ETV6: variants seen among roughly 807,000 people sequenced by gnomAD.
ETV6 encodes ETS variant transcription factor 6, also known as transcription factor ETV6.
A neutral mutation model predicts 51.1 loss-of-function variants in ETV6; 16 were observed. The ratio of observed to expected loss-of-function variants is 0.31; its 90% CI spans 0.21 to 0.48. The LOEUF is 0.48. ETV6 is among the 20% of genes least tolerant of loss of function. The probability of loss-of-function intolerance (pLI) is 0.99; values close to 1 mark genes in which losing one functional copy is unlikely to be tolerated. For synonymous variants in ETV6, 240 were observed against 224.1 expected (o/e 1.07, Z -0.64); for missense variants, 458 against 594.8 (o/e 0.77, Z 2.39).
chr12:11,820,380 A>AT (rs1262612077), intron 2 of ETV6, among the ~76,000 whole-genome samples: 1 of 152,248 alleles, frequency 6.6e-6, no homozygotes, highest in Non-Finnish European at 1.5e-5. Flanking sequence ...GTCCGTTCAC[A>AT]TGCTAGTGAA....
At chr12:11,719,116 G>A (rs1865332596) in intron 1 of ETV6, among the ~76,000 whole-genome samples, 1 of 152,230 alleles carries the variant, frequency 6.6e-6, no homozygotes, top group Admixed American at 6.5e-5. Flanking sequence ...GACTGGCTAA[G>A]CTGCCACCCT....
intron 6 of ETV6, among the ~76,000 whole-genome samples, chr12:11,885,212 G>C (rs1273103722): frequency 6.6e-6 from 1 of 152,218 alleles, no homozygotes; most frequent in African/African-American, 2.4e-5. Context: ...AGCAAAGCCT[G>C]ATGTTGGCAT....
chr12:11,861,414 G>C (rs1189632331), intron 4 of ETV6, among the ~76,000 whole-genome samples: 1 of 152,122 alleles, frequency 6.6e-6, no homozygotes, highest in Non-Finnish European at 1.5e-5. Context: ...CCTTGCCCCT[G>C]CTGCAGCATG....
chr12:11,858,435 G>A (rs954761429), intron 4 of ETV6, among the ~76,000 whole-genome samples: 3 of 151,466 alleles, frequency 2.0e-5, no homozygotes, highest in African/African-American at 4.9e-5. Context: ...GTCCTCTAGT[G>A]TTAGAACTAC....
At chr12:11,715,052 G>T (rs1417292733) in intron 1 of ETV6, among the ~76,000 whole-genome samples, 1 of 152,072 alleles carries the variant, frequency 6.6e-6, no homozygotes, top group Non-Finnish European at 1.5e-5. Context: ...AAAATGTGGA[G>T]ATCGTTTTGA....
rs536186832 is a variant in ETV6 at position 11,871,619 on chromosome 12, A to T, written c.1009+1650A>T. 2.6e-5 allele frequency among the ~76,000 whole-genome samples: 4 copies of T among 152,350 alleles called. No individual in the cohort carries two copies. In the East Asian group the frequency reaches 7.7e-4, roughly 29 times the overall value. ...CAGGGATGTTGAATCCAGAAAATAA[A>T]ATGGCAAACAAAAATGACTTATATG... On this transcript the variant is annotated intron_variant, in intron 5 of 7. Coordinates refer to ENST00000396373, the MANE Select transcript of ETV6 (RefSeq NM_001987.5).
intron 2 of ETV6, among the ~76,000 whole-genome samples, chr12:11,831,543 T>A (rs1946246196): frequency 2.0e-5 from 3 of 152,066 alleles, no homozygotes; most frequent in Admixed American, 2.0e-4. Flanking sequence ...GTTTTTTAAA[T>A]ATAAAAGTAA....
chr12:11,782,205 C>G (rs186633305), intron 2 of ETV6, among the ~76,000 whole-genome samples: 2 of 152,308 alleles, frequency 1.3e-5, no homozygotes, highest in Admixed American at 6.5e-5. Flanking sequence ...TTTCACTTTA[C>G]TCGTCTACTC....
intron 5 of ETV6, among the ~76,000 whole-genome samples, chr12:11,881,404 C>T (rs1023828967): frequency 2.0e-5 from 3 of 152,198 alleles, no homozygotes; most frequent in African/African-American, 7.2e-5. Flanking sequence ...TTTGGGGCTG[C>T]TCTGACAAAC....
At chr12:11,651,472 C>T (rs913154820) in intron 1 of ETV6, among the ~76,000 whole-genome samples, 6 of 152,098 alleles carry the variant, frequency 3.9e-5, no homozygotes, top group African/African-American at 1.4e-4. Flanking sequence ...AATGTGAAAT[C>T]AAAAGGTGGT....
chr12:11,868,087 T>C (rs529703499), intron 4 of ETV6, among the ~76,000 whole-genome samples: 2 of 152,326 alleles, frequency 1.3e-5, no homozygotes, highest in South Asian at 4.1e-4. Flanking sequence ...CTTCCTTACT[T>C]CTGCCTGTCT....
chr12:11,707,719 G>A (rs1046685934), intron 1 of ETV6, among the ~76,000 whole-genome samples: 7 of 152,164 alleles, frequency 4.6e-5, no homozygotes, highest in South Asian at 2.1e-4. Flanking sequence ...GCCCCGAGTC[G>A]TATGTGGCAA....
chr12:11,691,618 T>G (rs911393152), intron 1 of ETV6, among the ~76,000 whole-genome samples: 3 of 152,248 alleles, frequency 2.0e-5, no homozygotes, highest in Non-Finnish European at 4.4e-5. Flanking sequence ...GGGACTTACT[T>G]TTTTACTTAA....
intron 1 of ETV6, among the ~76,000 whole-genome samples, chr12:11,684,409 G>A (rs1437667481): frequency 6.6e-6 from 1 of 152,048 alleles, no homozygotes; most frequent in East Asian, 1.9e-4. Flanking sequence ...CTACTCTAAG[G>A]TCAAATAAAT....
At chr12:11,806,832 G>A (rs929636903) in intron 2 of ETV6, among the ~76,000 whole-genome samples, 10 of 152,162 alleles carry the variant, frequency 6.6e-5, no homozygotes, top group African/African-American at 2.2e-4. Context: ...CACCTTTGCC[G>A]GACAGCACCA....
intron 5 of ETV6, among the ~76,000 whole-genome samples, chr12:11,872,474 A>G (rs1225406046): frequency 6.7e-6 from 1 of 150,060 alleles, no homozygotes; most frequent in Non-Finnish European, 1.5e-5. Context: ...TCAAAATATT[A>G]GTCTCTTAAA....
chr12:11,791,379 G>C (rs568156977), intron 2 of ETV6, among the ~76,000 whole-genome samples: 1 of 152,200 alleles, frequency 6.6e-6, no homozygotes, highest in Admixed American at 6.5e-5. Flanking sequence ...TCCTGCCATA[G>C]GGATGTTGTC....
chr12:11,875,720 A>G (rs1484026580), intron 5 of ETV6, among the ~76,000 whole-genome samples: 1 of 152,148 alleles, frequency 6.6e-6, no homozygotes, highest in Non-Finnish European at 1.5e-5. Context: ...TCCCAAAATT[A>G]TTGTTTCCTT....
In ETV6 at chr12:11,884,612, C is replaced by T. The variant is rs1247537020; in HGVS notation, c.1152+25C>T. 1.9e-6 allele frequency: 3 copies of T among 1,612,404 alleles called. No homozygotes were observed. In the African/African-American group the frequency reaches 4.0e-5, roughly 22 times the overall value. On this transcript the variant is annotated intron_variant, in intron 6 of 7. Coordinates refer to ENST00000396373, the MANE Select transcript of ETV6 (RefSeq NM_001987.5). The stretch of plus-strand genomic sequence containing the variant: ...GGTAAAAGGGCAGCAGATATCTGCT[C>T]CATAAACTAGTGCCAAAATGAAGTC...
Sources: gnomAD v4.1 joint callset for allele counts (sites outside exome capture counted in the v4.1 genomes callset) on GRCh38, gnomAD v4.1.1 for gene constraint, MANE v1.5 for transcripts, NCBI Gene and HGNC (gene_info 2026-07-23, HGNC 2026-07-21) for gene names.